The following CEMIP variants were observed in gnomAD, a reference collection of about 807,000 sequenced individuals.
CEMIP encodes cell migration inducing hyaluronidase 1.
A neutral mutation model predicts 156.9 loss-of-function variants in CEMIP; 105 were observed. The ratio of observed to expected loss-of-function variants is 0.67; its 90% CI spans 0.57 to 0.79. The LOEUF (loss-of-function observed/expected upper bound fraction) is 0.79. Among genes scored for constraint, CEMIP ranks in the 30% least tolerant of loss-of-function variants. The probability of loss-of-function intolerance (pLI) is 0.00; values close to 1 mark genes in which losing one functional copy is unlikely to be tolerated. For missense variants in CEMIP, 1,457 were observed against 1,769.4 expected, an observed-to-expected ratio of 0.82 and a Z score of 3.17; for synonymous variants, 676 against 668.4, an observed-to-expected ratio of 1.01 and a Z score of -0.17.
rs141574043 is a variant in CEMIP at position 80,916,130 on chromosome 15, A to G, written c.1798-3964A>G. 1.4e-3 allele frequency among the ~76,000 whole-genome samples: 207 copies of G among 152,322 alleles called. 1 individual carries two copies. Among genetic ancestry groups the G allele is most frequent in the Middle Eastern group, 0.01 (3 of 294 alleles). ...TGATGGTGGAAATCATTACATACAGATATGTCCTGATTTGCACAGAATGGT... is the reference window on the plus strand; with the variant it reads ...TGATGGTGGAAATCATTACATACAGGTATGTCCTGATTTGCACAGAATGGT... On this transcript the variant is annotated intron_variant, in intron 14 of 29. Coordinates refer to ENST00000394685, the MANE Select transcript of CEMIP (RefSeq NM_001293298.2).
Position 80,909,237 on chromosome 15 carries a change from C to T in CEMIP, c.1728C>T (p.Tyr576=), listed in dbSNP as rs377048237. The part of the protein sequence containing the change: ...DERGGYDPPT[Y]IRDLSIHHTF... ...GGGGAGGTTATGACCCACCCACATACATCAGGGACCTCTCCATCCATCATA... is the reference window on the plus strand; with the variant it reads ...GGGGAGGTTATGACCCACCCACATATATCAGGGACCTCTCCATCCATCATA... Residue 576 remains tyrosine, a synonymous_variant, in exon 14 of 30, where the codon TAC becomes TAT. Coordinates refer to ENST00000394685, the MANE Select transcript of CEMIP (RefSeq NM_001293298.2). 2.2e-5 allele frequency: 36 copies of T among 1,614,158 alleles called. No individual in the cohort carries two copies. The highest frequency in any genetic ancestry group is 1.9e-4 in the African/African-American group (14 of 75,034).
intron 1 of CEMIP, among the ~76,000 whole-genome samples, chr15:80,848,900 G>GCGCA (rs1555430239): frequency 7.4e-6 from 1 of 134,576 alleles, no homozygotes; most frequent in African/African-American, 3.0e-5. Flanking sequence ...GTGTGCGCGT[G>GCGCA]CACACACACA....
rs66794844 is a variant in CEMIP at position 80,890,586 on chromosome 15, C to CA, written c.1086+1005dup. On this transcript the variant is annotated intron_variant, in intron 10 of 29. Transcript: ENST00000394685. ...TGGGTGACCGAGCAAGACTCTGACTCAAAAAAAAAAACAAAAAAAAACCAG... is the reference window on the plus strand; with the variant it reads ...TGGGTGACCGAGCAAGACTCTGACTCAAAAAAAAAAAACAAAAAAAAACCAG... 7.7e-3 allele frequency among the ~76,000 whole-genome samples: 1,081 copies of CA among 140,156 alleles called. 15 individuals carry two copies. Among genetic ancestry groups the CA allele is most frequent in the African/African-American group, 0.024 (901 of 37,944 alleles). 91.9% of individuals were successfully genotyped at this position (140,156 alleles called of 152,430 possible).
chr15:80,925,606 C>A lies in CEMIP; in HGVS notation c.2289-18C>A, dbSNP rs761472111. On this transcript the variant is annotated intron_variant, in intron 18 of 29. Coordinates refer to ENST00000394685, the MANE Select transcript of CEMIP (RefSeq NM_001293298.2). ...CCCCAACACCGCCACCTGTGCCCTC[C>A]CCATGGTTGTGCTGCAGATACAGCC... The A allele has an allele frequency of 6.8e-6, 11 of 1,610,846 alleles. No individual in the cohort carries two copies. The highest frequency in any genetic ancestry group is 9.3e-6 in the Non-Finnish European group (11 of 1,179,792).
chr15:80,936,948 T>C, intron 24 of CEMIP, 63 bp downstream of exon 24: 2 of 1,503,502 alleles, frequency 1.3e-6, no homozygotes, highest in South Asian at 2.3e-5. Context: ...TGTTGCAAAG[T>C]CCTGGACTTG....
At chr15:80,909,734 T>C in intron 14 of CEMIP, 1 of 428,120 alleles carries the variant, frequency 2.3e-6, no homozygotes, top group East Asian at 7.2e-5. Flanking sequence ...ATGAACCAAG[T>C]GTTCCTTCAG....
intron 1 of CEMIP, among the ~76,000 whole-genome samples, chr15:80,870,170 C>T (rs1053375765): frequency 2.6e-5 from 4 of 152,174 alleles, no homozygotes; most frequent in Admixed American, 1.3e-4. Flanking sequence ...GCTACCCCAC[C>T]GTCCTGCTAG....
At chr15:80,919,321 G>A (rs1040779759) in intron 14 of CEMIP, among the ~76,000 whole-genome samples, 1 of 152,182 alleles carries the variant, frequency 6.6e-6, no homozygotes, top group East Asian at 1.9e-4. Context: ...TACTCAGTGG[G>A]ATCTCCTCTG....
At chr15:80,844,337 T>C (rs572628116) in intron 1 of CEMIP, among the ~76,000 whole-genome samples, 118 of 152,090 alleles carry the variant, frequency 7.8e-4, no homozygotes, top group African/African-American at 2.7e-3. Context: ...CTGGGGAAAA[T>C]AGCTGGCAAT....
At chr15:80,844,231 CT>C (rs1897500094) in intron 1 of CEMIP, among the ~76,000 whole-genome samples, 1 of 152,264 alleles carries the variant, frequency 6.6e-6, no homozygotes, top group Admixed American at 6.5e-5. Flanking sequence ...GCCCCCACCC[CT>C]GTCGCGCCCT....
chr15:80,900,199 G>A (rs956188797), intron 12 of CEMIP, among the ~76,000 whole-genome samples: 2 of 152,234 alleles, frequency 1.3e-5, no homozygotes, highest in South Asian at 2.1e-4. Context: ...CCTTGTGTGC[G>A]TCAGAGCATT....
intron 1 of CEMIP, among the ~76,000 whole-genome samples, chr15:80,805,291 A>G (rs1223655126): frequency 6.6e-6 from 1 of 152,226 alleles, no homozygotes; most frequent in Admixed American, 6.5e-5. Context: ...ACACAGAAGA[A>G]GATGATTATG....
intron 1 of CEMIP, among the ~76,000 whole-genome samples, chr15:80,820,808 G>A (rs12917291): frequency 0.15 from 22,728 of 152,132 alleles, 2,221 homozygotes; most frequent in East Asian, 0.39. Context: ...CCGCTGGGAC[G>A]CTGTACACAG....
At chr15:80,889,669 GT>G (rs1898968722) in intron 10 of CEMIP, 77 bp downstream of exon 10, 2 of 1,575,738 alleles carry the variant, frequency 1.3e-6, no homozygotes, top group Non-Finnish European at 8.7e-7. Flanking sequence ...AGACATTCTT[GT>G]CACTTGGGTG....
At position 80,937,789 on chromosome 15, in the gene CEMIP, C is replaced by T; in HGVS notation, c.3222-5C>T. ...CTTGTAACCTGACTCTACTTCCAAT[C>T]CTAGGGGCGACTGGATCCGAGTGGG... On this transcript the variant is annotated splice_region_variant and splice_polypyrimidine_tract_variant and intron_variant, in intron 24 of 29. Coordinates refer to ENST00000394685, the MANE Select transcript of CEMIP (RefSeq NM_001293298.2). 1 of 1,614,178 alleles carries T rather than the reference C, an allele frequency of 6.2e-7. No individual in the cohort carries two copies.
intron 1 of CEMIP, among the ~76,000 whole-genome samples, chr15:80,809,201 T>C (rs1244304393): frequency 1.3e-5 from 2 of 152,198 alleles, no homozygotes; most frequent in Non-Finnish European, 2.9e-5. Flanking sequence ...GCCTCTACAA[T>C]AATTTTTATT....
chr15:80,809,380 G>C (rs1453200875), intron 1 of CEMIP, among the ~76,000 whole-genome samples: 1 of 152,186 alleles, frequency 6.6e-6, no homozygotes, highest in Non-Finnish European at 1.5e-5. Flanking sequence ...TGTGAAGTCA[G>C]CATTTGAATC....
At chr15:80,858,551 T>TAAAAA (rs59305579) in intron 1 of CEMIP, among the ~76,000 whole-genome samples, 1 of 130,510 alleles carries the variant, frequency 7.7e-6, no homozygotes, top group African/African-American at 2.8e-5. Flanking sequence ...TGGTCTCTAC[T>TAAAAA]AAAAAAAAAA....
At chr15:80,893,529 TG>T (rs2141854817) in intron 10 of CEMIP, among the ~76,000 whole-genome samples, 1 of 152,302 alleles carries the variant, frequency 6.6e-6, no homozygotes, top group East Asian at 1.9e-4. Flanking sequence ...GGTCTCCAAT[TG>T]AAGAACATGC....
Sources: allele counts gnomAD v4.1 joint callset (sites outside exome capture counted in the v4.1 genomes callset), GRCh38; gene constraint gnomAD v4.1.1; transcripts MANE v1.5; gene names NCBI Gene and HGNC (gene_info 2026-07-23, HGNC 2026-07-21).